PRDX4: variants seen among roughly 807,000 people sequenced by gnomAD.
PRDX4 encodes peroxiredoxin-4.
Under a neutral mutation model 20.5 loss-of-function variants are expected in PRDX4, and 12 were observed. That is an observed-to-expected ratio of 0.58 (90% CI 0.37 to 0.95). The LOEUF (loss-of-function observed/expected upper bound fraction) is 0.95. Ranked by LOEUF, PRDX4 falls within the 40% of genes least tolerant of loss-of-function variation. The probability of loss-of-function intolerance (pLI) is 0.01; values close to 1 mark genes in which losing one functional copy is unlikely to be tolerated. For missense variants in PRDX4, 180 were observed against 207.3 expected, an observed-to-expected ratio of 0.87 and a Z score of 0.81; for synonymous variants, 99 against 87.5, an observed-to-expected ratio of 1.13 and a Z score of -0.73.
chrX:23,675,970 A>G (rs1927937750), intron 3 of PRDX4, among the ~76,000 whole-genome samples: 1 of 109,608 alleles, frequency 9.1e-6, no homozygotes, highest in Non-Finnish European at 1.9e-5. Context: ...CTCTACTAAA[A>G]ATACAAAATT....
intron 6 of PRDX4, among the ~76,000 whole-genome samples, chrX:23,684,870 G>T (rs1457059918): frequency 8.9e-6 from 1 of 111,875 alleles, no homozygotes; most frequent in East Asian, 2.8e-4. Flanking sequence ...AACTCCAAGG[G>T]CAGGGACTTT....
At chrX:23,679,947 A>G (rs777269125) in intron 4 of PRDX4, among the ~76,000 whole-genome samples, 3 of 112,280 alleles carry the variant, frequency 2.7e-5, no homozygotes, top group African/African-American at 9.7e-5. Flanking sequence ...ACGCCACCGC[A>G]CTCCAGCCCA....
chrX:23,668,668 C>T (rs1394871632), intron 1 of PRDX4, among the ~76,000 whole-genome samples: 1 of 112,061 alleles, frequency 8.9e-6, no homozygotes, highest in African/African-American at 3.2e-5. Flanking sequence ...ACCTGCTTTT[C>T]CTGCAGATCA....
intron 1 of PRDX4, among the ~76,000 whole-genome samples, chrX:23,669,228 T>C (rs1366444981): frequency 8.9e-6 from 1 of 112,219 alleles, no homozygotes; most frequent in African/African-American, 3.2e-5. Flanking sequence ...CCAGCCTACT[T>C]TGAGATTTTT....
rs1555933004 is a variant in PRDX4, at chrX:23,682,567, G to C, written c.730+41G>C. ...AACCTTTTGATTTTTTAGTTTGAAA[G>C]ATAGCATAATTAGTTAGGTTTCTTA... On this transcript the variant is annotated intron_variant, in intron 5 of 6. Transcript: ENST00000379341. 7 of 1,025,917 alleles carry C rather than the reference G, an allele frequency of 6.8e-6. No homozygotes were observed. The South Asian group carries it at 1.7e-4, about 25-fold the overall frequency. 84.5% of individuals were successfully genotyped at this position (1,025,917 alleles called of 1,213,427 possible).
chrX:23,685,555 C>G (rs1601794560), intron 6 of PRDX4, among the ~76,000 whole-genome samples: 1 of 61,912 alleles, frequency 1.6e-5, no homozygotes, highest in Non-Finnish European at 3.1e-5. Flanking sequence ...ACTTTGACCT[C>G]AAAGCAAAAC....
intron 3 of PRDX4, among the ~76,000 whole-genome samples, chrX:23,677,712 G>A (rs765388385): frequency 1.8e-5 from 2 of 111,295 alleles, no homozygotes; most frequent in Non-Finnish European, 3.8e-5. Flanking sequence ...TTGATACTAC[G>A]TATCTTTTGA....
At chrX:23,679,479 G>A (rs745514926) in intron 4 of PRDX4, among the ~76,000 whole-genome samples, 192 bp downstream of exon 4, 12 of 110,636 alleles carry the variant, frequency 1.1e-4, no homozygotes, top group South Asian at 3.8e-4. Flanking sequence ...GAGGTCAGGA[G>A]TTTGAGACCA....
intron 4 of PRDX4, among the ~76,000 whole-genome samples, chrX:23,680,984 C>T (rs1361121331): frequency 2.7e-5 from 3 of 111,617 alleles, no homozygotes; most frequent in Non-Finnish European, 5.6e-5. Context: ...AATCCCAGCA[C>T]TTTGGGAGGC....
chrX:23,679,256 G>A lies in PRDX4; in HGVS notation c.568G>A (p.Val190Ile). 1 of 1,207,265 alleles carries A rather than the reference G, an allele frequency of 8.3e-7. No individual in the cohort carries two copies. The highest frequency in any genetic ancestry group is 1.8e-5 in the South Asian group (1 of 56,548). ...LTHQISKDYG[V>I]YLEDSGHTLR... Reference sequence around the variant, plus strand: ...CCATCAGATCTCAAAGGACTATGGTGTATACCTAGAGGACTCAGGCCACAC... The same window carrying A: ...CCATCAGATCTCAAAGGACTATGGTATATACCTAGAGGACTCAGGCCACAC... The change falls in exon 4 of 7, where the codon GTA becomes ATA. Residue 190 changes from valine (V) to isoleucine (I), a missense_variant. By Grantham distance (29) the Val-to-Ile change is conservative (BLOSUM62 3). Around this residue, in one of 3 missense-constraint regions of PRDX4, gnomAD observed 73 missense variants for 76.5 expected, o/e 0.95. Coordinates refer to ENST00000379341, the MANE Select transcript of PRDX4 (RefSeq NM_006406.2).
At chrX:23,684,385 T>C (rs1928146006) in intron 6 of PRDX4, among the ~76,000 whole-genome samples, 1 of 111,879 alleles carries the variant, frequency 8.9e-6, no homozygotes, top group African/African-American at 3.2e-5. Context: ...TTTCTATGCA[T>C]AGTAAGAGGT....
At chrX:23,669,519 C>T (rs1927802215) in intron 1 of PRDX4, among the ~76,000 whole-genome samples, 1 of 111,451 alleles carries the variant, frequency 9.0e-6, no homozygotes, top group Non-Finnish European at 1.9e-5. Flanking sequence ...GCCATATTTT[C>T]AAATAATTTT....
In PRDX4 at chrX:23,679,464, T is replaced by C. The variant is rs1037325896; in HGVS notation, c.599+177T>C. The stretch of plus-strand genomic sequence containing the variant: ...CTTTGGGAGGCCACGGTGGGCAGAT[T>C]ACTTGAGGTCAGGAGTTTGAGACCA... On this transcript the variant is annotated intron_variant, in intron 4 of 6. Coordinates refer to ENST00000379341, the MANE Select transcript of PRDX4 (RefSeq NM_006406.2). Among the ~76,000 whole-genome samples the C allele has an allele frequency of 4.6e-5, 5 of 109,154 alleles. No homozygotes were observed. In the Admixed American group the frequency reaches 4.9e-4, roughly 11 times the overall value. 94.8% of individuals were successfully genotyped at this position (109,154 alleles called of 115,157 possible). A position where few individuals can be genotyped will look rare whatever the true frequency, so the allele number is the denominator to read the frequency against.
At chrX:23,671,851 T>A (rs1927851018) in intron 2 of PRDX4, among the ~76,000 whole-genome samples, 1 of 112,506 alleles carries the variant, frequency 8.9e-6, no homozygotes, top group Non-Finnish European at 1.9e-5. Context: ...GATTATGTTA[T>A]AATGGAATAA....
chrX:23,671,555 G>C lies in PRDX4; in HGVS notation c.268G>C (p.Gly90Arg), dbSNP rs1443044119. 8.3e-7 allele frequency: 1 copy of C among 1,205,698 alleles called. No individual in the cohort carries two copies. The highest frequency in any genetic ancestry group is 2.2e-5 in the Admixed American group (1 of 44,548). ...TTCCAAGCCAGCGCCCTACTGGGAA[G>C]GAACAGCTGTGATCGATGGAGAATT... ...KISKPAPYWE[G>R]TAVIDGEFKE... The change falls in exon 2 of 7, where the codon GGA becomes CGA. Residue 90 changes from glycine (G) to arginine (R), a missense_variant. By Grantham distance (125) the Gly-to-Arg change is moderately radical. This residue lies in a region of PRDX4 where 105 missense variants were observed against 114.2 expected (regional missense o/e 0.92). Coordinates refer to ENST00000379341, the MANE Select transcript of PRDX4 (RefSeq NM_006406.2).
At position 23,682,493 on chromosome X, in the gene PRDX4, C is replaced by A; in HGVS notation, c.697C>A (p.Gln233Lys). The A allele has an allele frequency of 8.5e-7, 1 of 1,179,925 alleles. No homozygotes were observed. The highest frequency in any genetic ancestry group is 1.1e-6 in the Non-Finnish European group (1 of 876,720). ...AGTGGATGAGACACTACGTTTGGTTCAAGCATTCCAGTACACTGACAAACA... is the reference window on the plus strand; with the variant it reads ...AGTGGATGAGACACTACGTTTGGTTAAAGCATTCCAGTACACTGACAAACA... ...RSVDETLRLV[Q>K]AFQYTDKHGE... The change falls in exon 5 of 7, where the codon CAA becomes AAA. Residue 233 changes from glutamine to lysine, a missense_variant. This residue lies in a region of PRDX4 where 73 missense variants were observed against 76.5 expected (regional missense o/e 0.95). Coordinates refer to ENST00000379341, the MANE Select transcript of PRDX4 (RefSeq NM_006406.2).
At chrX:23,681,394 C>A (rs1042536532) in intron 4 of PRDX4, among the ~76,000 whole-genome samples, 1 of 112,199 alleles carries the variant, frequency 8.9e-6, no homozygotes, top group Non-Finnish European at 1.9e-5. Context: ...TGGCTTTAGG[C>A]AACCACAAAT....
chrX:23,681,716 T>G (rs557637), intron 4 of PRDX4, among the ~76,000 whole-genome samples: 2,547 of 111,115 alleles, frequency 0.023, 27 homozygotes, highest in Non-Finnish European at 0.035. Flanking sequence ...AGCTATATTA[T>G]TTGACCTGAG....
At chrX:23,674,869 T>C (rs1927912797) in intron 2 of PRDX4, 121 bp from the exon 3 acceptor site, 1 of 944,701 alleles carries the variant, frequency 1.1e-6, no homozygotes, top group Non-Finnish European at 1.4e-6. Flanking sequence ...AAGGTTCAAA[T>C]ATAAAATTGT....
Sources: allele counts gnomAD v4.1 joint callset (sites outside exome capture counted in the v4.1 genomes callset), GRCh38; gene constraint gnomAD v4.1.1; regional missense constraint gnomAD v4.1.1; transcripts MANE v1.5; gene names NCBI Gene and HGNC (gene_info 2026-07-23, HGNC 2026-07-21).